The following ARNT2 variants were observed in gnomAD, a reference collection of about 807,000 sequenced individuals.
ARNT2 encodes ARNT protein 2.
In ARNT2, 36 loss-of-function variants were observed where a neutral mutation model predicts 91.7. That is an observed-to-expected ratio of 0.39 (90% confidence interval 0.30 to 0.52). The LOEUF is 0.52. Ranked by LOEUF, ARNT2 falls within the 20% of genes least tolerant of loss-of-function variation. ARNT2 has a pLI of 0.72. For synonymous variants in ARNT2, 365 were observed against 347.1 expected, an observed-to-expected ratio of 1.05 and a Z score of -0.57; for missense variants, 775 against 939.3, an observed-to-expected ratio of 0.83 and a Z score of 2.29.
chr15:80,596,907 T>C lies in ARNT2; in HGVS notation c.*3209T>C. The C allele has an allele frequency of 2.8e-6, 1 of 356,138 alleles. No homozygotes were observed. Among genetic ancestry groups the C allele is most frequent in the Admixed American group, 3.7e-5 (1 of 26,688 alleles). The allele number at this position is 356,138 out of a possible 1,614,324, so 22.1% of individuals were successfully genotyped here. ...CCAAGGATGGCTCTAGAACACTCTGTCCATGCGTCACTCCCCCCAGTTTTA... is the reference window on the plus strand; with the variant it reads ...CCAAGGATGGCTCTAGAACACTCTGCCCATGCGTCACTCCCCCCAGTTTTA... On this transcript the variant is annotated 3_prime_UTR_variant, in exon 19 of 19. Coordinates refer to ENST00000303329, the MANE Select transcript of ARNT2 (RefSeq NM_014862.4).
intron 5 of ARNT2, among the ~76,000 whole-genome samples, chr15:80,484,672 T>A (rs1896939950): frequency 6.6e-6 from 1 of 152,254 alleles, no homozygotes; most frequent in African/African-American, 2.4e-5. Flanking sequence ...GGCTGTTGGG[T>A]TCATTATCAC....
At chr15:80,559,319 AGCCCCAGACCCAGC>A (rs1213898333) in intron 11 of ARNT2, among the ~76,000 whole-genome samples, 3 of 150,100 alleles carry the variant, frequency 2.0e-5, no homozygotes, top group African/African-American at 7.4e-5. Context: ...CGGCAGTCCC[AGCCCCAGACCCAGC>A]CCCAGCCCCA....
Position 80,542,656 on chromosome 15 carries a change from A to G in ARNT2, c.878-8543A>G, listed in dbSNP as rs116130704. 5.7e-3 allele frequency among the ~76,000 whole-genome samples: 868 copies of G among 152,328 alleles called. 12 individuals are homozygous for G. The highest frequency in any genetic ancestry group is 0.019 in the African/African-American group (802 of 41,568). On this transcript the variant is annotated intron_variant, in intron 8 of 18. Transcript: ENST00000303329. ...TTAAAAAAATCTGCGGAAGTTCTTC[A>G]TTGATGCTCATTGAATGAGGAACAA...
chr15:80,555,167 C>G, intron 11 of ARNT2, 28 bp downstream of exon 11: 1 of 1,609,770 alleles, frequency 6.2e-7, no homozygotes, highest in African/African-American at 1.3e-5. Context: ...CCACTTAAAG[C>G]TGATGCATAG....
chr15:80,489,660 G>T (rs534645299), intron 5 of ARNT2, among the ~76,000 whole-genome samples: 7 of 152,328 alleles, frequency 4.6e-5, no homozygotes, highest in Admixed American at 1.3e-4. Flanking sequence ...CAGTGGCAGA[G>T]CTGGCCACCT....
chr15:80,571,407 G>A (rs186122364), intron 12 of ARNT2, among the ~76,000 whole-genome samples: 3 of 152,346 alleles, frequency 2.0e-5, no homozygotes, highest in South Asian at 2.1e-4. Flanking sequence ...CTTGGAATGA[G>A]AAAATCTAGT....
Position 80,593,782 on chromosome 15 carries a change from C to CT in ARNT2, c.*85dup, listed in dbSNP as rs541905965. Reference sequence around the variant, plus strand: ...CATGTGAATGAGGCCCACCCTCGCCCTGCTTGCCCTGCCGCAGGCCCCCCA... The same window carrying CT: ...CATGTGAATGAGGCCCACCCTCGCCCTTGCTTGCCCTGCCGCAGGCCCCCCA... On this transcript the variant is annotated 3_prime_UTR_variant, in exon 19 of 19. Coordinates refer to ENST00000303329, the MANE Select transcript of ARNT2 (RefSeq NM_014862.4). The CT allele has an allele frequency of 2.2e-4, 282 of 1,286,786 alleles. No homozygotes were observed. In the African/African-American group the frequency reaches 3.8e-3, roughly 17 times the overall value. 79.7% of individuals were successfully genotyped at this position (1,286,786 alleles called of 1,614,324 possible). A position where few individuals can be genotyped will look rare whatever the true frequency, so the allele number is the denominator to read the frequency against.
intron 8 of ARNT2, among the ~76,000 whole-genome samples, chr15:80,540,964 C>T (rs1897895684): frequency 6.6e-6 from 1 of 152,048 alleles, no homozygotes; most frequent in Non-Finnish European, 1.5e-5. Flanking sequence ...GGGCACATGT[C>T]TTTTTGGTAG....
intron 1 of ARNT2, among the ~76,000 whole-genome samples, chr15:80,430,261 T>G (rs1895989372): frequency 6.6e-6 from 1 of 152,102 alleles, no homozygotes; most frequent in Admixed American, 6.5e-5. Flanking sequence ...GAGTTGGAGA[T>G]CTCTGTGGTC....
At chr15:80,551,086 G>T in intron 8 of ARNT2, 113 bp from the exon 9 acceptor site, 2 of 1,005,694 alleles carry the variant, frequency 2.0e-6, no homozygotes, top group Non-Finnish European at 3.0e-6. Flanking sequence ...TCCCAGCCCT[G>T]CATGGCCAAC....
intron 5 of ARNT2, among the ~76,000 whole-genome samples, chr15:80,504,319 TTTG>T (rs1449737807): frequency 6.6e-6 from 1 of 152,248 alleles, no homozygotes; most frequent in Non-Finnish European, 1.5e-5. Context: ...TGTTCTCTTC[TTTG>T]TTGTTGTTGT....
At chr15:80,442,865 T>C (rs1424251426) in intron 1 of ARNT2, 10 of 985,338 alleles carry the variant, frequency 1.0e-5, no homozygotes, top group African/African-American at 1.7e-5. Context: ...CCAAGGTTTT[T>C]TAGAATTTTC....
At chr15:80,520,324 G>A (rs2141433099) in intron 8 of ARNT2, among the ~76,000 whole-genome samples, 1 of 152,256 alleles carries the variant, frequency 6.6e-6, no homozygotes, top group East Asian at 1.9e-4. Context: ...AAGCAGAATG[G>A]TATCAGGAAG....
At chr15:80,466,965 A>G (rs187531591) in intron 3 of ARNT2, among the ~76,000 whole-genome samples, 1 of 152,126 alleles carries the variant, frequency 6.6e-6, no homozygotes, top group African/African-American at 2.4e-5. Flanking sequence ...CCATATGAAG[A>G]TTTTTCACCT....
chr15:80,509,160 G>T (rs1897310606), intron 6 of ARNT2, among the ~76,000 whole-genome samples: 2 of 152,218 alleles, frequency 1.3e-5, no homozygotes, highest in Non-Finnish European at 2.9e-5. Context: ...AAGCAAACAA[G>T]GCCGGGTGTG....
chr15:80,489,807 G>A (rs557538396), intron 5 of ARNT2, among the ~76,000 whole-genome samples: 2 of 152,282 alleles, frequency 1.3e-5, no homozygotes, highest in South Asian at 2.1e-4. Context: ...TGGACTCACC[G>A]ACAGCCATGG....
At chr15:80,545,146 T>C (rs1023939691) in intron 8 of ARNT2, among the ~76,000 whole-genome samples, 1 of 152,218 alleles carries the variant, frequency 6.6e-6, no homozygotes, top group African/African-American at 2.4e-5. Flanking sequence ...CAGTAACCCT[T>C]GTCCATCTAC....
At chr15:80,593,120 A>C (rs1309835853) in intron 18 of ARNT2, among the ~76,000 whole-genome samples, 8 of 152,238 alleles carry the variant, frequency 5.3e-5, no homozygotes, top group Non-Finnish European at 1.2e-4. Flanking sequence ...GACTGGAAAG[A>C]CATGTTGAAA....
chr15:80,450,781 T>G, intron 1 of ARNT2, 99 bp from the exon 2 acceptor site: 2 of 1,185,482 alleles, frequency 1.7e-6, no homozygotes, highest in Admixed American at 3.4e-5. Context: ...CCCTGGGCTC[T>G]CTGCGCAGGT....
Sources: allele counts gnomAD v4.1 joint callset (sites outside exome capture counted in the v4.1 genomes callset), GRCh38; gene constraint gnomAD v4.1.1; transcripts MANE v1.5; gene names NCBI Gene and HGNC (gene_info 2026-07-23, HGNC 2026-07-21).